Variants in TCF20 observed in about 807,000 individuals in gnomAD.
TCF20 encodes SPRE-binding protein.
TCF20 carries 3 observed loss-of-function variants against 148.6 expected under a neutral mutation model. That is an observed-to-expected ratio of 0.02 (90% CI 0.01 to 0.05). The LOEUF (loss-of-function observed/expected upper bound fraction) is 0.05. Ranked by LOEUF, TCF20 falls within the 10% of genes least tolerant of loss-of-function variation. The pLI is 1.00. For synonymous variants in TCF20, 1,049 were observed against 909.5 expected (o/e 1.15, Z -2.76); for missense variants, 2,350 against 2,429.3 (o/e 0.97, Z 0.69).
At chr22:42,241,326 T>C (rs573028920) in intron 1 of TCF20, among the ~76,000 whole-genome samples, 47 of 152,316 alleles carry the variant, frequency 3.1e-4, no homozygotes, top group African/African-American at 1.1e-3. Context: ...GAGGCAGTTA[T>C]AGATCCAAAG....
intron 5 of TCF20, among the ~76,000 whole-genome samples, chr22:42,163,641 G>A (rs974989862): frequency 3.9e-5 from 6 of 152,240 alleles, no homozygotes; most frequent in African/African-American, 1.4e-4. Flanking sequence ...TGGGACTGGG[G>A]CTTTCCCAAC....
intron 2 of TCF20, among the ~76,000 whole-genome samples, chr22:42,205,317 G>A (rs1285157044): frequency 7.4e-6 from 1 of 135,490 alleles, no homozygotes; most frequent in East Asian, 4.0e-4. Context: ...AGGAAGGGAA[G>A]TAAACACCAT....
At chr22:42,168,135 A>T (rs920414125) in intron 5 of TCF20, among the ~76,000 whole-genome samples, 1 of 152,172 alleles carries the variant, frequency 6.6e-6, no homozygotes, top group East Asian at 1.9e-4. Context: ...TAATACTGGA[A>T]AAAAAAGATT....
At chr22:42,170,091 A>G (rs966135848) in intron 3 of TCF20, among the ~76,000 whole-genome samples, 195 bp from the exon 4 acceptor site, 1 of 152,200 alleles carries the variant, frequency 6.6e-6, no homozygotes, top group Admixed American at 6.5e-5. Flanking sequence ...AAAAATTAAC[A>G]TTTGAAAAGA....
intron 1 of TCF20, among the ~76,000 whole-genome samples, chr22:42,245,503 C>T (rs1422081139): frequency 1.3e-5 from 2 of 152,214 alleles, no homozygotes; most frequent in Non-Finnish European, 2.9e-5. Flanking sequence ...CACTGACCTA[C>T]TTCTCCCTTA....
At chr22:42,257,372 TTCAACATTACTTTAATAGAATTATGTG>T (rs1401247889) in intron 1 of TCF20, among the ~76,000 whole-genome samples, 2 of 152,246 alleles carry the variant, frequency 1.3e-5, no homozygotes, top group Non-Finnish European at 2.9e-5. Context: ...CAAATCCAAA[TTCAACATTACTTTAATAGAATTATGTG>T]AACAGGACAC....
At chr22:42,233,022 G>A in intron 1 of TCF20, among the ~76,000 whole-genome samples, 1 of 152,066 alleles carries the variant, frequency 6.6e-6, no homozygotes, top group Non-Finnish European at 1.5e-5. Context: ...CCTGGTTCAA[G>A]CAATTCTCCT....
At chr22:42,254,168 A>G (rs1355346059) in intron 1 of TCF20, among the ~76,000 whole-genome samples, 1 of 152,170 alleles carries the variant, frequency 6.6e-6, no homozygotes, top group African/African-American at 2.4e-5. Flanking sequence ...GATTCACTCA[A>G]AAATATCTGC....
Position 42,213,457 on chromosome 22 carries a change from C to T in TCF20, c.1849G>A (p.Val617Ile). 2 of 1,614,186 alleles carry T rather than the reference C, an allele frequency of 1.2e-6. No individual in the cohort carries two copies. The highest frequency in any genetic ancestry group is 1.7e-6 in the Non-Finnish European group (2 of 1,180,038). ...TTATCTTGTCCACCAGGCTTTTCTA[C>T]CCGACCTGTCATGGCTTCCCGGGAG... ...IVSREAMTGRVEKPGGQDKGS... is the reference protein window; with the variant it reads ...IVSREAMTGRIEKPGGQDKGS... The change falls in exon 2 of 6, where the codon GTA becomes ATA. Residue 617 changes from valine to isoleucine, a missense_variant. Val to Ile is a conservative substitution (Grantham distance 29). Transcript: ENST00000677622.
At position 42,298,433 on chromosome 22, in the gene TCF20, A is replaced by G. The variant is rs564034644; in HGVS notation, c.-37+45046T>C. Among the ~76,000 whole-genome samples, 5 of 152,354 alleles carry G rather than the reference A, an allele frequency of 3.3e-5. No individual in the cohort carries two copies. The East Asian group carries it at 7.7e-4, about 24-fold the overall frequency. ...CTAGGGAGACAGGAGTAGTGTCACT[A>G]TGGTTTCAAGGAGGAAAACAAGGCA... On this transcript the variant is annotated intron_variant, in intron 1 of 1. Transcript: ENST00000515426.
At chr22:42,192,808 C>T (rs1442697484) in intron 2 of TCF20, among the ~76,000 whole-genome samples, 2 of 152,178 alleles carry the variant, frequency 1.3e-5, no homozygotes, top group Non-Finnish European at 2.9e-5. Flanking sequence ...TGGAAACCTA[C>T]TGGAAGGAAA....
chr22:42,292,210 C>T lies in TCF20; in HGVS notation c.-37+51269G>A, dbSNP rs1266350653. Among the ~76,000 whole-genome samples, 2 of 152,210 alleles carry T rather than the reference C, an allele frequency of 1.3e-5. No individual in the cohort carries two copies. Among genetic ancestry groups the T allele is most frequent in the Non-Finnish European group, 2.9e-5 (2 of 68,038 alleles). ...AGGGTATGGACGAGGGTCAGCACCC[C>T]CATTTTGCAAGAAGAAAGCTCACCC... On this transcript the variant is annotated intron_variant, in intron 1 of 1. Transcript: ENST00000515426. This position sits in a 1 kb window ranked among gnomAD's most constrained non-coding sequence, Gnocchi z 4.9.
chr22:42,323,053 C>G (rs748042996), intron 1 of TCF20, among the ~76,000 whole-genome samples: 2 of 151,668 alleles, frequency 1.3e-5, no homozygotes, highest in Non-Finnish European at 3.0e-5. Context: ...GTTATAGGCA[C>G]CTGCCACCAC....
At chr22:42,227,450 T>C (rs1923016413) in intron 1 of TCF20, among the ~76,000 whole-genome samples, 1 of 152,204 alleles carries the variant, frequency 6.6e-6, no homozygotes, top group Non-Finnish European at 1.5e-5. Context: ...AGCTCCATTG[T>C]TGCTCAATAC....
At chr22:42,236,960 G>A (rs1923944066) in intron 1 of TCF20, among the ~76,000 whole-genome samples, 1 of 152,150 alleles carries the variant, frequency 6.6e-6, no homozygotes, top group Admixed American at 6.5e-5. Context: ...TAATCTTTTT[G>A]CTGACGGAGG....
upstream of TCF20, among the ~76,000 whole-genome samples, chr22:42,272,537 G>A (rs1018458252): frequency 3.9e-5 from 6 of 152,184 alleles, no homozygotes; most frequent in Non-Finnish European, 4.4e-5. Flanking sequence ...TCATTCAAAA[G>A]GGAAAGAATA....
At chr22:42,248,251 C>T (rs1925083571) in intron 1 of TCF20, among the ~76,000 whole-genome samples, 1 of 152,172 alleles carries the variant, frequency 6.6e-6, no homozygotes, top group African/African-American at 2.4e-5. Context: ...ACATGGTGTA[C>T]ATTTTTACAA....
Position 42,252,405 on chromosome 22 carries a change from T to A in TCF20, c.-37+17934A>T, listed in dbSNP as rs1925453058. ...TAACACCTACAAACATAAACTTCGGTAATATTTTATAAAATATTCTTAAAA... is the reference window on the plus strand; with the variant it reads ...TAACACCTACAAACATAAACTTCGGAAATATTTTATAAAATATTCTTAAAA... On this transcript the variant is annotated intron_variant, in intron 1 of 5. Transcript: ENST00000677622. Among the ~76,000 whole-genome samples the A allele has an allele frequency of 3.3e-5, 5 of 152,328 alleles. No individual in the cohort carries two copies. In the South Asian group the frequency reaches 1.0e-3, roughly 32 times the overall value.
At chr22:42,193,041 C>A (rs527739372) in intron 2 of TCF20, among the ~76,000 whole-genome samples, 97 of 152,258 alleles carry the variant, frequency 6.4e-4, no homozygotes, top group Non-Finnish European at 1.1e-3. Context: ...AGTTTTAGAA[C>A]TATTGGTTCA....
Sources: gnomAD v4.1 joint callset for allele counts (sites outside exome capture counted in the v4.1 genomes callset) on GRCh38, gnomAD v4.1.1 for gene constraint, Gnocchi (gnomAD v3.1) non-coding constraint, MANE v1.5 for transcripts, NCBI Gene and HGNC (gene_info 2026-07-23, HGNC 2026-07-21) for gene names.